RUNX1T1: variants seen among roughly 807,000 people sequenced by gnomAD.
RUNX1T1 encodes RUNX1 partner transcriptional co-repressor 1.
In RUNX1T1, 4 loss-of-function variants were observed where a neutral mutation model predicts 62.8. That is an observed-to-expected ratio of 0.06 (90% CI 0.03 to 0.15). The LOEUF is 0.15. Ranked by LOEUF, RUNX1T1 falls within the 10% of genes least tolerant of loss-of-function variation. The probability of loss-of-function intolerance (pLI) is 1.00; values close to 1 mark genes in which losing one functional copy is unlikely to be tolerated. For missense variants in RUNX1T1, 508 were observed against 754.3 expected (o/e 0.67, Z 3.82); for synonymous variants, 291 against 286.0 (o/e 1.02, Z -0.18).
At chr8:92,015,656 G>T (rs1012464739) in intron 2 of RUNX1T1, among the ~76,000 whole-genome samples, 1 of 152,098 alleles carries the variant, frequency 6.6e-6, no homozygotes, top group East Asian at 1.9e-4. Context: ...TGCATCGTTT[G>T]CATTAAAGAA....
chr8:92,043,837 G>A (rs557144499), intron 1 of RUNX1T1, among the ~76,000 whole-genome samples: 3 of 151,942 alleles, frequency 2.0e-5, no homozygotes, highest in Non-Finnish European at 2.9e-5. Flanking sequence ...AATTAGGTGG[G>A]CATGTTGACA....
upstream of RUNX1T1, among the ~76,000 whole-genome samples, chr8:92,065,483 T>G (rs1832740806): frequency 6.6e-6 from 1 of 152,228 alleles, no homozygotes; most frequent in Non-Finnish European, 1.5e-5. Context: ...TAAGGCAATT[T>G]TTTAGAGAGA....
downstream of RUNX1T1, chr8:91,957,511 G>A (rs1225225519): frequency 1.3e-5 from 3 of 228,986 alleles, no homozygotes; most frequent in African/African-American, 6.8e-5. Flanking sequence ...ATTTTTTTTT[G>A]TATTTGTTTT....
intron 8 of RUNX1T1, among the ~76,000 whole-genome samples, chr8:91,978,466 A>C (rs1814472271): frequency 6.6e-6 from 1 of 152,156 alleles, no homozygotes; most frequent in Non-Finnish European, 1.5e-5. Flanking sequence ...CTATATAATT[A>C]TTTCCTTTTA....
upstream of RUNX1T1, chr8:92,102,817 G>GCCGC (rs1018463603): frequency 2.0e-6 from 3 of 1,491,592 alleles, no homozygotes; most frequent in East Asian, 2.7e-5. The surrounding 1 kb of genome is among the most constrained non-coding windows in gnomAD (Gnocchi z 4.5). Context: ...GCCCGACCCC[G>GCCGC]CCGCCCGCCC....
chr8:91,996,931 G>A (rs1481899589), intron 5 of RUNX1T1, among the ~76,000 whole-genome samples: 1 of 151,184 alleles, frequency 6.6e-6, no homozygotes, highest in African/African-American at 2.4e-5. Flanking sequence ...AGACCAGCCT[G>A]GCCGACATGG....
rs113901946 is a variant in RUNX1T1 at position 92,032,922 on chromosome 8, G to T, written c.8-15559C>A. ...TATAAGGGAAAGTTTAACCTCTCTA[G>T]TATTTTTTTAAATTAAAACAAGATC... On this transcript the variant is annotated intron_variant, in intron 1 of 10. Transcript: ENST00000396218. Among the ~76,000 whole-genome samples, 503 of 152,196 alleles carry T rather than the reference G, an allele frequency of 3.3e-3. 3 individuals are homozygous for T. Among genetic ancestry groups the T allele is most frequent in the African/African-American group, 0.011 (466 of 41,512 alleles).
intron 8 of RUNX1T1, among the ~76,000 whole-genome samples, chr8:91,981,757 TAAAC>T (rs1365165670): frequency 1.3e-5 from 2 of 152,026 alleles, no homozygotes; most frequent in Non-Finnish European, 2.9e-5. Flanking sequence ...TCATTACACT[TAAAC>T]AAACAAAACT....
intron 8 of RUNX1T1, among the ~76,000 whole-genome samples, chr8:91,981,701 C>G (rs1815328022): frequency 1.3e-5 from 2 of 151,978 alleles, no homozygotes; most frequent in African/African-American, 4.8e-5. Context: ...AGGCGTCAGC[C>G]AACACTCCTG....
chr8:92,103,353 C>G (rs921495648), upstream of RUNX1T1: 2 of 181,402 alleles, frequency 1.1e-5, no homozygotes, highest in Non-Finnish European at 2.3e-5. Flanking sequence ...GGAGCAGGAG[C>G]GCCGCGCGCT....
chr8:92,033,980 AT>A (rs150021368), intron 1 of RUNX1T1, among the ~76,000 whole-genome samples: 4,255 of 150,862 alleles, frequency 0.028, 197 homozygotes, highest in African/African-American at 0.096. Flanking sequence ...AAAAAAAAAA[AT>A]TTTTTTTTTA....
chr8:92,083,950 G>A (rs1835686663), intron 1 of RUNX1T1, among the ~76,000 whole-genome samples: 1 of 152,080 alleles, frequency 6.6e-6, no homozygotes, highest in Admixed American at 6.5e-5. Context: ...TCCTTTGCAG[G>A]GACATGGATG....
At chr8:92,033,432 A>G (rs1826633716) in intron 1 of RUNX1T1, among the ~76,000 whole-genome samples, 1 of 152,232 alleles carries the variant, frequency 6.6e-6, no homozygotes, top group Admixed American at 6.5e-5. Context: ...AATGATCTCT[A>G]TTAGAATACT....
Position 92,029,816 on chromosome 8 carries a change from T to A in RUNX1T1, c.8-12453A>T, listed in dbSNP as rs571804724. ...AACCAAATGTTTCACTCATTTTTTT[T>A]AAAAAAAGCATTCATTCAAAAATAT... On this transcript the variant is annotated intron_variant, in intron 1 of 10. Coordinates refer to ENST00000396218, the Ensembl canonical transcript of RUNX1T1. 3.7e-3 allele frequency among the ~76,000 whole-genome samples: 570 copies of A among 152,090 alleles called. 4 individuals are homozygous for A. Among genetic ancestry groups the A allele is most frequent in the East Asian group, 2.9e-3 (15 of 5,192 alleles).
chr8:91,988,949 T>C (rs1817112559), intron 6 of RUNX1T1, among the ~76,000 whole-genome samples: 1 of 152,236 alleles, frequency 6.6e-6, no homozygotes, highest in African/African-American at 2.4e-5. Context: ...TTAATTTCTC[T>C]ATTTAAGATA....
chr8:92,091,105 A>G (rs1279341801), intron 1 of RUNX1T1, among the ~76,000 whole-genome samples: 1 of 152,166 alleles, frequency 6.6e-6, no homozygotes, highest in African/African-American at 2.4e-5. Flanking sequence ...CAAGGCACTT[A>G]GAGGTGCTTA....
intron 1 of RUNX1T1, among the ~76,000 whole-genome samples, chr8:92,022,136 C>T (rs149114222): frequency 2.5e-4 from 37 of 147,068 alleles, no homozygotes; most frequent in African/African-American, 8.1e-4. Context: ...TAAAATTCCT[C>T]CTGAGGAGGA....
rs1476698430 is a variant in RUNX1T1, at chr8:92,060,541, A to ATG, written c.7+2004_7+2005insCA. On this transcript the variant is annotated intron_variant, in intron 1 of 10. Transcript: ENST00000396218. The stretch of plus-strand genomic sequence containing the variant: ...CTACCAAATATATATATATATATAT[A>ATG]TATATATATATATGTGTGTGTGTGT... Among the ~76,000 whole-genome samples the ATG allele has an allele frequency of 4.5e-3, 495 of 109,340 alleles. 5 individuals are homozygous for ATG. Among genetic ancestry groups the ATG allele is most frequent in the African/African-American group, 0.015 (454 of 29,490 alleles). The allele number at this position is 109,340 out of a possible 152,430, so 71.7% of individuals were successfully genotyped here.
At chr8:92,005,291 A>G in exon 5 of RUNX1T1, 1 of 1,611,290 alleles carries the variant, frequency 6.2e-7, no homozygotes, top group South Asian at 1.1e-5. Context: ...AGCAGGGGCA[A>G]GTTGGCCTGC....
Sources: gnomAD v4.1 joint callset for allele counts (sites outside exome capture counted in the v4.1 genomes callset) on GRCh38, gnomAD v4.1.1 for gene constraint, Gnocchi (gnomAD v3.1) non-coding constraint, MANE v1.5 for transcripts, NCBI Gene and HGNC (gene_info 2026-07-23, HGNC 2026-07-21) for gene names.